CCDC85A: variants seen among roughly 807,000 people sequenced by gnomAD.
CCDC85A encodes coiled-coil domain containing 85A.
In CCDC85A, 38 loss-of-function variants were observed where a neutral mutation model predicts 50.2. That is an observed-to-expected ratio of 0.76 (90% CI 0.58 to 0.99). The LOEUF is 0.99. Among genes scored for constraint, CCDC85A ranks in the 50% least tolerant of loss-of-function variants. The pLI is 0.00. For synonymous variants in CCDC85A, 366 were observed against 301.4 expected (o/e 1.21, Z -2.22); for missense variants, 820 against 742.0 (o/e 1.11, Z -1.22).
At chr2:56,232,392 C>T (rs2103940600) in intron 2 of CCDC85A, among the ~76,000 whole-genome samples, 1 of 152,304 alleles carries the variant, frequency 6.6e-6, no homozygotes, top group Admixed American at 6.5e-5. Flanking sequence ...TATGGTTTGG[C>T]TCTGTGTCCC....
rs1017172341 is a variant in CCDC85A, at chr2:56,184,382, G to A, written c.-243G>A. 1.4e-5 allele frequency: 7 copies of A among 489,960 alleles called. No homozygotes were observed. Among genetic ancestry groups the A allele is most frequent in the African/African-American group, 1.0e-4 (5 of 48,896 alleles). The allele number at this position is 489,960 out of a possible 1,614,324, so 30.4% of individuals were successfully genotyped here. On this transcript the variant is annotated 5_prime_UTR_variant, in exon 1 of 6. Transcript: ENST00000407595. ...ATGGACTTGCGCGGAGTTGGGACGG[G>A]CCTCGGCAGCAGCAAGCGGCTGGCT...
At position 56,193,231 on chromosome 2, in the gene CCDC85A, T is replaced by C. The variant is rs747741690; in HGVS notation, c.1031T>C (p.Leu344Pro). Residue 344 changes from leucine to proline, a missense_variant, in exon 2 of 6, where the codon CTT becomes CCT. Coordinates refer to ENST00000407595, the MANE Select transcript of CCDC85A (RefSeq NM_001080433.2). ...GSPEHLQKHA[L>P]GGSLEHLPRA... ...CCGGAGCATCTTCAGAAACACGCTC[T>C]TGGGGGGAGCCTAGAGCATCTCCCC... is the stretch of plus-strand genomic sequence containing the variant. The C allele has an allele frequency of 6.2e-7, 1 of 1,611,000 alleles. No homozygotes were observed. Among genetic ancestry groups the C allele is most frequent in the Non-Finnish European group, 8.5e-7 (1 of 1,179,192 alleles).
chr2:56,364,785 C>T (rs1057196559), intron 3 of CCDC85A, among the ~76,000 whole-genome samples: 11 of 152,184 alleles, frequency 7.2e-5, no homozygotes, highest in African/African-American at 2.7e-4. Context: ...GTCTTGCCCT[C>T]TAATCCATCA....
At chr2:56,222,390 G>T (rs1248789834) in intron 2 of CCDC85A, among the ~76,000 whole-genome samples, 2 of 151,886 alleles carry the variant, frequency 1.3e-5, no homozygotes, top group Non-Finnish European at 1.5e-5. Flanking sequence ...AAAATTAATG[G>T]AGTAACCCAT....
intron 2 of CCDC85A, among the ~76,000 whole-genome samples, chr2:56,285,701 A>G (rs1239915678): frequency 1.3e-5 from 2 of 151,302 alleles, no homozygotes; most frequent in African/African-American, 4.8e-5. Flanking sequence ...TGCATTATAA[A>G]CCCTATACTA....
intron 2 of CCDC85A, among the ~76,000 whole-genome samples, chr2:56,252,220 G>A (rs1382093007): frequency 2.0e-5 from 3 of 151,914 alleles, no homozygotes; most frequent in African/African-American, 7.3e-5. Context: ...CTAATTTTTT[G>A]TATTTTTAGT....
intron 2 of CCDC85A, among the ~76,000 whole-genome samples, chr2:56,303,339 T>C (rs548975033): frequency 6.6e-6 from 1 of 152,282 alleles, no homozygotes; most frequent in Admixed American, 6.5e-5. Flanking sequence ...AAAGACATAA[T>C]ACTGGACGAT....
chr2:56,293,520 C>G (rs531708591), intron 2 of CCDC85A, among the ~76,000 whole-genome samples: 1 of 152,214 alleles, frequency 6.6e-6, no homozygotes, highest in East Asian at 1.9e-4. Flanking sequence ...GCGAAAGAAA[C>G]TATCATCAGA....
intron 2 of CCDC85A, among the ~76,000 whole-genome samples, chr2:56,326,447 A>G (rs2104278990): frequency 6.6e-6 from 1 of 152,270 alleles, no homozygotes; most frequent in East Asian, 1.9e-4. Flanking sequence ...TATTTAGTGA[A>G]GAAAAAATGA....
At chr2:56,207,285 C>T (rs968200785) in intron 2 of CCDC85A, among the ~76,000 whole-genome samples, 4 of 152,140 alleles carry the variant, frequency 2.6e-5, no homozygotes, top group African/African-American at 9.7e-5. Context: ...GTTAGGAGTG[C>T]ATAGGGAAGA....
intron 2 of CCDC85A, among the ~76,000 whole-genome samples, chr2:56,219,100 AT>A (rs944896794): frequency 3.3e-5 from 5 of 150,146 alleles, no homozygotes; most frequent in African/African-American, 1.2e-4. Flanking sequence ...TGTATATACT[AT>A]TTTTTGTCTT....
intron 2 of CCDC85A, among the ~76,000 whole-genome samples, chr2:56,289,546 T>A (rs1382302575): frequency 6.6e-6 from 1 of 151,716 alleles, no homozygotes; most frequent in Non-Finnish European, 1.5e-5. Context: ...CACTTGGGAG[T>A]CTATGTAGTT....
At chr2:56,253,043 T>TA in intron 2 of CCDC85A, among the ~76,000 whole-genome samples, 1 of 151,620 alleles carries the variant, frequency 6.6e-6, no homozygotes, top group East Asian at 1.9e-4. Context: ...AATAAATAAA[T>TA]AACAAAAAAA....
At chr2:56,202,230 G>C (rs1345963900) in intron 2 of CCDC85A, among the ~76,000 whole-genome samples, 1 of 152,204 alleles carries the variant, frequency 6.6e-6, no homozygotes, top group Non-Finnish European at 1.5e-5. Context: ...TATTTATTAG[G>C]TGAGCTCAGA....
At chr2:56,366,541 T>A (rs1222945099) in intron 3 of CCDC85A, among the ~76,000 whole-genome samples, 1 of 152,236 alleles carries the variant, frequency 6.6e-6, no homozygotes, top group Non-Finnish European at 1.5e-5. Flanking sequence ...GCTATTTGTA[T>A]GTCTTCTTTT....
intron 2 of CCDC85A, among the ~76,000 whole-genome samples, chr2:56,255,337 G>T (rs1419683912): frequency 1.3e-5 from 2 of 152,176 alleles, no homozygotes; most frequent in Admixed American, 6.6e-5. Context: ...AAATGTGGGT[G>T]GTGAAGAAGG....
At chr2:56,274,065 T>C (rs1670816933) in intron 2 of CCDC85A, among the ~76,000 whole-genome samples, 1 of 152,148 alleles carries the variant, frequency 6.6e-6, no homozygotes, top group Non-Finnish European at 1.5e-5. Context: ...CTAAATCAGT[T>C]GATAAGTATA....
rs533795637 is a variant in CCDC85A at position 56,375,083 on chromosome 2, G to A, written c.1453-733G>A. On this transcript the variant is annotated intron_variant, in intron 4 of 5. Transcript: ENST00000407595. The stretch of plus-strand genomic sequence containing the variant: ...AACTGATACTCTCTTTTTCTTTACT[G>A]ATCCATTAGTCTTCCCCCAAGCACC... Among the ~76,000 whole-genome samples the A allele has an allele frequency of 2.3e-3, 346 of 152,104 alleles. 1 individual carries two copies. Among genetic ancestry groups the A allele is most frequent in the Middle Eastern group, 6.8e-3 (2 of 294 alleles).
chr2:56,204,678 T>G (rs1246437459), intron 2 of CCDC85A, among the ~76,000 whole-genome samples: 1 of 152,192 alleles, frequency 6.6e-6, no homozygotes, highest in African/African-American at 2.4e-5. Context: ...GGGCCTGGAC[T>G]TCTGACATGG....
Sources: allele counts gnomAD v4.1 joint callset (sites outside exome capture counted in the v4.1 genomes callset), GRCh38; gene constraint gnomAD v4.1.1; transcripts MANE v1.5; gene names NCBI Gene and HGNC (gene_info 2026-07-23, HGNC 2026-07-21).